The following PRKCA variants were observed in gnomAD, a reference collection of about 807,000 sequenced individuals.
The protein encoded by PRKCA is protein kinase C alpha type.
A neutral mutation model predicts 87.0 loss-of-function variants in PRKCA; 27 were observed. The observed-to-expected ratio is 0.31, with a 90% CI of 0.23 to 0.43. The LOEUF is 0.43. Ranked by LOEUF, PRKCA falls within the 20% of genes least tolerant of loss-of-function variation. PRKCA has a pLI of 1.00. For synonymous variants in PRKCA, 329 were observed against 311.1 expected (o/e 1.06, Z -0.61); for missense variants, 518 against 852.3 (o/e 0.61, Z 4.88).
intron 8 of PRKCA, among the ~76,000 whole-genome samples, chr17:66,715,488 C>A (rs1002165930): frequency 8.5e-5 from 13 of 152,214 alleles, no homozygotes; most frequent in African/African-American, 3.1e-4. Context: ...CCTCCCTTCC[C>A]CCCAGGCCCT....
At chr17:66,733,024 G>A (rs919333685) in intron 9 of PRKCA, among the ~76,000 whole-genome samples, 199 bp downstream of exon 9, 8 of 151,960 alleles carry the variant, frequency 5.3e-5, no homozygotes, top group East Asian at 1.9e-4. Flanking sequence ...GGTGGTGGGC[G>A]CCTGTAGTCC....
chr17:66,322,331 A>G (rs1276576813), intron 2 of PRKCA, among the ~76,000 whole-genome samples: 1 of 152,194 alleles, frequency 6.6e-6, no homozygotes. Flanking sequence ...AGCCACTTGC[A>G]CCATCTGGCT....
At chr17:66,798,857 G>GA (rs1975779169) in intron 16 of PRKCA, among the ~76,000 whole-genome samples, 1 of 9,410 alleles carries the variant, frequency 1.1e-4, no homozygotes, top group Non-Finnish European at 2.3e-4. Context: ...GGTGGTGGTG[G>GA]TGGTGGTGGT....
chr17:66,694,095 A>G (rs557060651), intron 8 of PRKCA, among the ~76,000 whole-genome samples: 1 of 152,346 alleles, frequency 6.6e-6, no homozygotes, highest in Admixed American at 6.5e-5. Flanking sequence ...GGAAGTAAAT[A>G]TAATACCACA....
intron 4 of PRKCA, 74 bp from the exon 5 acceptor site, chr17:66,645,309 C>T: frequency 6.2e-7 from 1 of 1,600,274 alleles, no homozygotes. Context: ...CACTTGTGCT[C>T]ATGCACCAAA....
intron 8 of PRKCA, among the ~76,000 whole-genome samples, chr17:66,717,680 G>A (rs771041930): frequency 2.0e-5 from 3 of 152,206 alleles, no homozygotes; most frequent in African/African-American, 4.8e-5. Flanking sequence ...AGAACAGAGC[G>A]TCCTTCTCTT....
chr17:66,640,704 C>T (rs1428156102), intron 3 of PRKCA, among the ~76,000 whole-genome samples: 2 of 152,190 alleles, frequency 1.3e-5, no homozygotes, highest in Admixed American at 6.5e-5. Context: ...CCCCAGCCTG[C>T]GCTAGGCAGT....
intron 3 of PRKCA, among the ~76,000 whole-genome samples, chr17:66,538,357 G>A (rs1004909364): frequency 2.0e-4 from 31 of 152,214 alleles, no homozygotes; most frequent in African/African-American, 7.2e-4. Flanking sequence ...CTCTGCTCTC[G>A]GGAGACATCC....
rs1214984709 is a variant in PRKCA at position 66,805,809 on chromosome 17, T to C, written c.*1772T>C. On this transcript the variant is annotated 3_prime_UTR_variant, in exon 17 of 17. Transcript: ENST00000413366. ...ACCTTTGTGTGTGCGTGTGTGTGTG[T>C]TTCCTTCTTCCCTTCAGCCTGTGAC... 6.6e-6 allele frequency: 1 copy of C among 152,368 alleles called. No individual in the cohort carries two copies. The highest frequency in any genetic ancestry group is 1.9e-4 in the East Asian group (1 of 5,200). The allele number at this position is 152,368 out of a possible 1,614,324, so 9.4% of individuals were successfully genotyped here.
chr17:66,616,590 A>G (rs1189257131), intron 3 of PRKCA, among the ~76,000 whole-genome samples: 1 of 152,214 alleles, frequency 6.6e-6, no homozygotes, highest in Non-Finnish European at 1.5e-5. Context: ...AGAGCCATGC[A>G]GACTGAGGTT....
chr17:66,387,845 C>G (rs1277874801), intron 2 of PRKCA, among the ~76,000 whole-genome samples: 7 of 152,312 alleles, frequency 4.6e-5, no homozygotes, highest in Admixed American at 4.6e-4. Flanking sequence ...GCCCTCCCAG[C>G]CTGTGCTTTA....
chr17:66,766,309 G>A (rs542036185), intron 13 of PRKCA, among the ~76,000 whole-genome samples: 8 of 152,264 alleles, frequency 5.3e-5, no homozygotes, highest in South Asian at 2.1e-4. Flanking sequence ...GGTGGCCATG[G>A]CCTTTAGGAT....
intron 2 of PRKCA, among the ~76,000 whole-genome samples, chr17:66,406,603 TTTTTTTA>T (rs1911411346): frequency 6.8e-6 from 1 of 146,568 alleles, no homozygotes; most frequent in African/African-American, 2.5e-5. Flanking sequence ...TTTTTTTTTT[TTTTTTTA>T]AATGTCATAG....
chr17:66,763,365 C>T (rs1974727557), intron 13 of PRKCA, among the ~76,000 whole-genome samples: 1 of 152,192 alleles, frequency 6.6e-6, no homozygotes, highest in Non-Finnish European at 1.5e-5. Flanking sequence ...TTGTGGGTCC[C>T]ACAGTAGCAA....
At chr17:66,485,075 C>T (rs1010825821) in intron 2 of PRKCA, among the ~76,000 whole-genome samples, 2 of 152,168 alleles carry the variant, frequency 1.3e-5, no homozygotes, top group African/African-American at 4.8e-5. Context: ...TACCACGTTT[C>T]CCTCCCTAAC....
chr17:66,715,997 T>C (rs1397147866), intron 8 of PRKCA, among the ~76,000 whole-genome samples: 3 of 152,170 alleles, frequency 2.0e-5, no homozygotes, highest in African/African-American at 7.2e-5. Flanking sequence ...TTAGTGGACA[T>C]AGAGATGAGA....
At chr17:66,553,686 G>T (rs955935094) in intron 3 of PRKCA, among the ~76,000 whole-genome samples, 5 of 152,228 alleles carry the variant, frequency 3.3e-5, no homozygotes, top group Admixed American at 2.6e-4. Context: ...AGCCTTTGAA[G>T]GAGCTGCTGG....
intron 3 of PRKCA, among the ~76,000 whole-genome samples, chr17:66,574,722 CAAA>C (rs56913809): frequency 1.5e-5 from 2 of 131,160 alleles, no homozygotes; most frequent in Admixed American, 7.7e-5. Context: ...ATTCCAAAAT[CAAA>C]AAAAAAAAAA....
At chr17:66,687,662 A>G (rs1972665848) in intron 6 of PRKCA, among the ~76,000 whole-genome samples, 1 of 152,210 alleles carries the variant, frequency 6.6e-6, no homozygotes, top group Non-Finnish European at 1.5e-5. Flanking sequence ...ATGAGTGAGT[A>G]ACATAGAAAG....
Sources: gnomAD v4.1 joint callset for allele counts (sites outside exome capture counted in the v4.1 genomes callset) on GRCh38, gnomAD v4.1.1 for gene constraint, MANE v1.5 for transcripts, NCBI Gene and HGNC (gene_info 2026-07-23, HGNC 2026-07-21) for gene names.